KDM7A: variants seen among roughly 807,000 people sequenced by gnomAD.
KDM7A encodes lysine-specific demethylase 7A.
In KDM7A, 28 loss-of-function variants were observed where a neutral mutation model predicts 114.8. The observed-to-expected ratio is 0.24, with a 90% confidence interval of 0.18 to 0.33. The LOEUF (loss-of-function observed/expected upper bound fraction) is 0.33, where lower values mean the gene tolerates loss of function less well. KDM7A is among the 10% of genes least tolerant of loss of function. KDM7A has a pLI of 1.00. For synonymous variants in KDM7A, 423 were observed against 397.8 expected (o/e 1.06, Z -0.75); for missense variants, 942 against 1,142.5 (o/e 0.82, Z 2.53).
chr7:140,113,087 A>G (rs1018773468), intron 10 of KDM7A, among the ~76,000 whole-genome samples: 1 of 152,184 alleles, frequency 6.6e-6, no homozygotes, highest in African/African-American at 2.4e-5. Context: ...TGGCTTTCCC[A>G]TATGTAGAAT....
intron 10 of KDM7A, among the ~76,000 whole-genome samples, chr7:140,112,773 T>C (rs1010172383): frequency 5.3e-5 from 8 of 152,220 alleles, no homozygotes; most frequent in Non-Finnish European, 8.8e-5. Flanking sequence ...GAAACACAAA[T>C]ATATTACTTT....
In KDM7A at chr7:140,089,131, A is replaced by G. The variant is rs977264114; in HGVS notation, c.*1963T>C. The G allele has an allele frequency of 2.0e-5, 3 of 152,124 alleles. No individual in the cohort carries two copies. The highest frequency in any genetic ancestry group is 4.4e-5 in the Non-Finnish European group (3 of 68,004). The allele number at this position is 152,124 out of a possible 1,614,324, so 9.4% of individuals were successfully genotyped here. On this transcript the variant is annotated 3_prime_UTR_variant, in exon 20 of 20. Coordinates refer to ENST00000397560, the MANE Select transcript of KDM7A (RefSeq NM_030647.2). The stretch of plus-strand genomic sequence containing the variant: ...GAAGGTAGGGGAATCAGTCAAACCC[A>G]GATTTTTGACATCCTGAGATAAGAT...
At chr7:140,138,078 G>A (rs1244969737) in intron 2 of KDM7A, among the ~76,000 whole-genome samples, 3 of 152,152 alleles carry the variant, frequency 2.0e-5, no homozygotes, top group Non-Finnish European at 4.4e-5. Flanking sequence ...TGAAATCACA[G>A]CACTTTTGGG....
chr7:140,146,330 C>T (rs1035520219), intron 1 of KDM7A, among the ~76,000 whole-genome samples: 1 of 152,128 alleles, frequency 6.6e-6, no homozygotes, highest in Non-Finnish European at 1.5e-5. Context: ...CCTACACTTC[C>T]GTTTCTCTCT....
At chr7:140,103,027 G>A (rs1377506403) in intron 11 of KDM7A, among the ~76,000 whole-genome samples, 2 of 152,044 alleles carry the variant, frequency 1.3e-5, no homozygotes, top group African/African-American at 2.4e-5. Flanking sequence ...ATTAAGTAGA[G>A]TCACAGTGTT....
At chr7:140,095,425 A>G (rs1322235353) in intron 17 of KDM7A, among the ~76,000 whole-genome samples, 1 of 152,250 alleles carries the variant, frequency 6.6e-6, no homozygotes, top group African/African-American at 2.4e-5. Flanking sequence ...CTCTTATACA[A>G]TAAGCAAAGA....
At chr7:140,128,408 T>C (rs535752216) in intron 4 of KDM7A, among the ~76,000 whole-genome samples, 4 of 152,340 alleles carry the variant, frequency 2.6e-5, no homozygotes, top group Non-Finnish European at 4.4e-5. Flanking sequence ...TCTTGCCTTA[T>C]AGACTTCTTT....
chr7:140,164,038 A>C (rs1217119154), intron 1 of KDM7A, among the ~76,000 whole-genome samples: 1 of 152,182 alleles, frequency 6.6e-6, no homozygotes, highest in Non-Finnish European at 1.5e-5. Flanking sequence ...AAACAACCAG[A>C]CATTTTATGC....
At position 140,133,662 on chromosome 7, in the gene KDM7A, T is replaced by G; in HGVS notation, c.281-6A>C. ...CCAGTTCCTCCTTTTTTTCACTGGATTTTTAAAAGATTAAAAAAAAATGAT... is the reference window on the plus strand; with the variant it reads ...CCAGTTCCTCCTTTTTTTCACTGGAGTTTTAAAAGATTAAAAAAAAATGAT... On this transcript the variant is annotated splice_region_variant and splice_polypyrimidine_tract_variant and intron_variant, in intron 2 of 19. Coordinates refer to ENST00000397560, the MANE Select transcript of KDM7A (RefSeq NM_030647.2). 6.6e-7 allele frequency: 1 copy of G among 1,508,534 alleles called. No homozygotes were observed. The highest frequency in any genetic ancestry group is 9.2e-7 in the Non-Finnish European group (1 of 1,092,066). The allele number at this position is 1,508,534 out of a possible 1,614,324, so 93.4% of individuals were successfully genotyped here. A position where few individuals can be genotyped will look rare whatever the true frequency, so the allele number is the denominator to read the frequency against.
chr7:140,150,143 A>T (rs1303464722), intron 1 of KDM7A, among the ~76,000 whole-genome samples: 3 of 152,206 alleles, frequency 2.0e-5, no homozygotes, highest in Non-Finnish European at 4.4e-5. Context: ...GAGATGGAAA[A>T]TGGGAAAACC....
rs1794657664 is a variant in KDM7A, at chr7:140,172,560, G to C, written c.194+4184C>G. ...CCCAGCTACTCTGGAGGCTGAGGCA[G>C]GAGAATGGCGAGAACCCAGGAGGCG... On this transcript the variant is annotated intron_variant, in intron 1 of 19. Transcript: ENST00000397560. 3.3e-5 allele frequency among the ~76,000 whole-genome samples: 5 copies of C among 152,260 alleles called. No individual in the cohort carries two copies. In the South Asian group the frequency reaches 1.0e-3, roughly 32 times the overall value.
At chr7:140,175,626 G>A (rs1441387105) in intron 1 of KDM7A, among the ~76,000 whole-genome samples, 5 of 152,226 alleles carry the variant, frequency 3.3e-5, no homozygotes, top group African/African-American at 1.2e-4. Flanking sequence ...GGAGTCAAGA[G>A]GCTGTGGCGC....
intron 1 of KDM7A, among the ~76,000 whole-genome samples, chr7:140,165,808 A>T (rs1386897289): frequency 6.6e-6 from 1 of 150,416 alleles, no homozygotes; most frequent in Non-Finnish European, 1.5e-5. Flanking sequence ...CCAAAGAGAA[A>T]CCATAAAGTG....
Position 140,099,942 on chromosome 7 carries a change from C to A in KDM7A, c.1720G>T (p.Asp574Tyr), listed in dbSNP as rs1486074994. 1 of 1,612,430 alleles carries A rather than the reference C, an allele frequency of 6.2e-7. No homozygotes were observed. The highest frequency in any genetic ancestry group is 1.7e-5 in the Admixed American group (1 of 60,028). Residue 574 changes from aspartate (D) to tyrosine (Y), a missense_variant, in exon 13 of 20, where the codon GAT becomes TAT. Transcript: ENST00000397560. ...SSTVPEWRAK[D>Y]NDLRLLLTNG... The stretch of plus-strand genomic sequence containing the variant: ...GTCAGCAGTAATCGTAGATCATTAT[C>A]TTTCGCTCTCCATTCAGGTACTGTG...
chr7:140,148,500 A>T (rs1218538988), intron 1 of KDM7A, among the ~76,000 whole-genome samples: 2 of 152,200 alleles, frequency 1.3e-5, no homozygotes, highest in African/African-American at 4.8e-5. Flanking sequence ...GCTTAGAATG[A>T]AACTGTAGAA....
At position 140,096,651 on chromosome 7, in the gene KDM7A, T is replaced by G; in HGVS notation, c.2278A>C (p.Ser760Arg). ...LQRQIQSTDC[S>R]GERNSLQDPS... ...TCCTGGAGAGAGTTTCTTTCACCAC[T>G]GCAGTCTGTGCTTTGTATTTGCCTT... Residue 760 changes from serine (S) to arginine (R), a missense_variant, in exon 17 of 20, where the codon AGT (serine) becomes CGT (arginine). Physicochemically the swap from Ser to Arg is moderately radical, Grantham distance 110 (BLOSUM62 -1). Around this residue, in one of 4 missense-constraint regions of KDM7A, gnomAD observed 512 missense variants for 576.6 expected, o/e 0.89. Transcript: ENST00000397560. 1.2e-6 allele frequency: 2 copies of G among 1,614,138 alleles called. No homozygotes were observed. Among genetic ancestry groups the G allele is most frequent in the Non-Finnish European group, 1.7e-6 (2 of 1,179,970 alleles).
At chr7:140,154,959 A>G (rs1794442423) in intron 1 of KDM7A, among the ~76,000 whole-genome samples, 1 of 152,228 alleles carries the variant, frequency 6.6e-6, no homozygotes, top group Non-Finnish European at 1.5e-5. Context: ...GTACCAATAA[A>G]CCAAGTGTAT....
At chr7:140,154,805 C>T (rs1308021857) in intron 1 of KDM7A, among the ~76,000 whole-genome samples, 4 of 151,860 alleles carry the variant, frequency 2.6e-5, no homozygotes, top group Non-Finnish European at 4.4e-5. Context: ...TGGAAAATTG[C>T]CTTAGAAGCT....
At chr7:140,123,217 C>A (rs1362746839) in intron 7 of KDM7A, among the ~76,000 whole-genome samples, 1 of 152,080 alleles carries the variant, frequency 6.6e-6, no homozygotes, top group Non-Finnish European at 1.5e-5. Flanking sequence ...AAACTGGAAC[C>A]CAAATACACT....
Sources: gnomAD v4.1 joint callset for allele counts (sites outside exome capture counted in the v4.1 genomes callset) on GRCh38, gnomAD v4.1.1 for gene constraint, gnomAD v4.1.1 regional missense constraint, MANE v1.5 for transcripts, NCBI Gene and HGNC (gene_info 2026-07-23, HGNC 2026-07-21) for gene names.